Variants in PLA2G4D observed in about 807,000 individuals in gnomAD.
PLA2G4D encodes the protein cytosolic phospholipase A2 delta.
Under a neutral mutation model 94.4 loss-of-function variants are expected in PLA2G4D, and 80 were observed. The ratio of observed to expected loss-of-function variants is 0.85; its 90% CI spans 0.71 to 1.02. PLA2G4D has a LOEUF of 1.02. Among genes scored for constraint, PLA2G4D ranks in the 50% least tolerant of loss-of-function variants. PLA2G4D has a pLI of 0.00. For missense variants in PLA2G4D, 1,050 were observed against 1,034.7 expected (o/e 1.01, Z -0.20); for synonymous variants, 438 against 440.9 (o/e 0.99, Z 0.08).
intron 7 of PLA2G4D, 47 bp downstream of exon 7, chr15:42,083,669 C>A: frequency 6.2e-7 from 1 of 1,606,608 alleles, no homozygotes; most frequent in Non-Finnish European, 8.5e-7. Context: ...ATCCTCCTCA[C>A]CCCCACATCC....
At position 42,071,871 on chromosome 15, in the gene PLA2G4D, C is replaced by A. The variant is rs1422893825; in HGVS notation, c.1476G>T (p.Lys492Asn). 3 of 1,614,178 alleles carry A rather than the reference C, an allele frequency of 1.9e-6. No homozygotes were observed. The Admixed American group carries it at 5.0e-5, about 27-fold the overall frequency. ...EFSPYEVGFL[K>N]YGAFVPPELF... ...GCTCAGGAGGGACGAAGGCCCCGTA[C>A]TTCAGGAAACCGACCTCATAGGGGG... Residue 492 changes from lysine to asparagine, a missense_variant, in exon 15 of 20, where the codon AAG becomes AAT. Physicochemically the swap from Lys to Asn is moderately conservative, Grantham distance 94. Coordinates refer to ENST00000290472, the MANE Select transcript of PLA2G4D (RefSeq NM_178034.4).
At chr15:42,070,538 C>T in intron 18 of PLA2G4D, 179 bp downstream of exon 18, 1 of 763,278 alleles carries the variant, frequency 1.3e-6, no homozygotes. Flanking sequence ...CCCAAGGCCC[C>T]TGCACCACCC....
chr15:42,085,987 T>C (rs1890136670), intron 4 of PLA2G4D, among the ~76,000 whole-genome samples: 1 of 152,240 alleles, frequency 6.6e-6, no homozygotes, highest in East Asian at 1.9e-4. Context: ...AGGGGTGGCC[T>C]TCCTGCCACA....
intron 12 of PLA2G4D, among the ~76,000 whole-genome samples, chr15:42,080,384 A>G (rs912408203): frequency 1.3e-5 from 2 of 152,206 alleles, no homozygotes; most frequent in South Asian, 2.1e-4. Context: ...AATCTCTAAC[A>G]GCGGGATGCT....
chr15:42,086,818 C>T (rs1380447010), intron 3 of PLA2G4D, among the ~76,000 whole-genome samples: 2 of 152,232 alleles, frequency 1.3e-5, no homozygotes, highest in Non-Finnish European at 2.9e-5. Flanking sequence ...CGCCATTCAA[C>T]TCCAACCTGG....
rs149600835 is a variant in PLA2G4D, at chr15:42,093,448, G to C, written c.45+967C>G. Among the ~76,000 whole-genome samples the C allele has an allele frequency of 3.0e-3, 453 of 152,314 alleles. 5 individuals carry two copies. The highest frequency in any genetic ancestry group is 0.01 in the African/African-American group (436 of 41,564). The stretch of plus-strand genomic sequence containing the variant: ...CCACAATGGGCCGTTCTGGGCTCAG[G>C]GCTCCTGATGGGACGGGTGGTGGAG... On this transcript the variant is annotated intron_variant, in intron 1 of 19. Coordinates refer to ENST00000290472, the MANE Select transcript of PLA2G4D (RefSeq NM_178034.4).
In PLA2G4D at chr15:42,068,814, G is replaced by A; in HGVS notation, c.2358C>T (p.Asp786=). The change falls in exon 20 of 20, where the codon GAC becomes GAT. Residue 786 remains aspartate (D), a synonymous_variant. Coordinates refer to ENST00000290472, the MANE Select transcript of PLA2G4D (RefSeq NM_178034.4). ...CACCCTGGCTGGTCTGCACGTTGTA[G>A]TCACTGAGCCGCAGCAGGCGCTCGA... is the stretch of plus-strand genomic sequence containing the variant. ...EDFERLLRLS[D]YNVQTSQGAI... The A allele has an allele frequency of 6.2e-7, 1 of 1,613,878 alleles. No individual in the cohort carries two copies. Among genetic ancestry groups the A allele is most frequent in the East Asian group, 2.2e-5 (1 of 44,888 alleles).
chr15:42,073,243 C>T (rs979316165), intron 13 of PLA2G4D, among the ~76,000 whole-genome samples: 2 of 152,212 alleles, frequency 1.3e-5, no homozygotes, highest in Non-Finnish European at 2.9e-5. Context: ...AAGCAATCCA[C>T]CTGCCTTGGC....
At position 42,084,020 on chromosome 15, in the gene PLA2G4D, C is replaced by T. The variant is rs780641777; in HGVS notation, c.472-241G>A. On this transcript the variant is annotated intron_variant, in intron 6 of 19. Coordinates refer to ENST00000290472, the MANE Select transcript of PLA2G4D (RefSeq NM_178034.4). This position sits in a 1 kb window ranked among gnomAD's most constrained non-coding sequence, Gnocchi z 4.8. ...CACACCTCCCCTCCAGCTCCCCTGG[C>T]TTTGCCAAACTCCCGAAACCTCCTA... The T allele has an allele frequency of 1.9e-6, 1 of 529,230 alleles. No individual in the cohort carries two copies. The allele number at this position is 529,230 out of a possible 1,614,324, so 32.8% of individuals were successfully genotyped here.
chr15:42,072,338 G>T lies in PLA2G4D; in HGVS notation c.1372C>A (p.Pro458Thr), dbSNP rs938384920. ...QRAALERGQNPLPLYLSLNVK... is the reference protein window; with the variant it reads ...QRAALERGQNTLPLYLSLNVK... ...TTGAGGCTCAAGTAGAGGGGCAGAG[G>T]GTTCTGACCCCGTTCCAGGGCGGCT... is the stretch of plus-strand genomic sequence containing the variant. Residue 458 changes from proline (P) to threonine (T), a missense_variant, in exon 14 of 20, where the codon CCT (proline) becomes ACT (threonine). Transcript: ENST00000290472. 1.2e-6 allele frequency: 2 copies of T among 1,613,658 alleles called. No individual in the cohort carries two copies. Among genetic ancestry groups the T allele is most frequent in the Non-Finnish European group, 1.7e-6 (2 of 1,179,998 alleles).
chr15:42,071,939 G>A (rs1471299851), intron 14 of PLA2G4D, 28 bp from the exon 15 acceptor site: 3 of 1,610,732 alleles, frequency 1.9e-6, no homozygotes, highest in Non-Finnish European at 2.5e-6. Flanking sequence ...AGAGGCAGGA[G>A]TGTGAGGGGA....
At chr15:42,071,697 ACCTGAGCT>A in intron 15 of PLA2G4D, 69 bp downstream of exon 15, 1 of 929,706 alleles carries the variant, frequency 1.1e-6, no homozygotes, top group African/African-American at 2.6e-5. Context: ...GTTCTGCCCC[ACCTGAGCT>A]ACAGGACCCA....
chr15:42,069,857 G>A, intron 19 of PLA2G4D, 52 bp downstream of exon 19: 1 of 1,325,222 alleles, frequency 7.5e-7, no homozygotes, highest in Non-Finnish European at 9.8e-7. Flanking sequence ...GGGGCCCAGG[G>A]CAGGCCTCTG....
intron 1 of PLA2G4D, among the ~76,000 whole-genome samples, chr15:42,094,144 C>T (rs78171718): frequency 0.074 from 11,255 of 152,112 alleles, 544 homozygotes; most frequent in Middle Eastern, 0.14. Flanking sequence ...CTATGTTCTC[C>T]GATGATGGTG....
Position 42,069,981 on chromosome 15 carries a change from CG to C in PLA2G4D, c.2157del (p.Ala720ProfsTer52). ...AGCAGGATCGGGGCCTCGGGGCAGG[CG>C]GGGTCTGAGAAGAGGTGGCATTCCC... is the stretch of plus-strand genomic sequence containing the variant. ...QPRECHLFSD[P>X]ACPEAPILLH... On this transcript the variant is annotated frameshift_variant, in exon 19 of 20. Coordinates refer to ENST00000290472, the MANE Select transcript of PLA2G4D (RefSeq NM_178034.4). LOFTEE classifies it high-confidence loss of function. 1 of 1,481,532 alleles carries C rather than the reference CG, an allele frequency of 6.7e-7. No individual in the cohort carries two copies. The highest frequency in any genetic ancestry group is 8.9e-7 in the Non-Finnish European group (1 of 1,120,714). 91.8% of individuals were successfully genotyped at this position (1,481,532 alleles called of 1,614,324 possible).
intron 1 of PLA2G4D, among the ~76,000 whole-genome samples, chr15:42,092,573 T>A (rs1890263203): frequency 6.6e-6 from 1 of 152,176 alleles, no homozygotes; most frequent in South Asian, 2.1e-4. Flanking sequence ...GCTCCTCCCA[T>A]CTGAAATACC....
chr15:42,086,465 G>A (rs534856173), intron 3 of PLA2G4D, 121 bp from the exon 4 acceptor site: 115 of 901,322 alleles, frequency 1.3e-4, no homozygotes, highest in African/African-American at 7.6e-4. Context: ...ACACGTCTGC[G>A]CTTCAAAATA....
intron 19 of PLA2G4D, 64 bp downstream of exon 19, chr15:42,069,844 CG>C: frequency 4.7e-6 from 6 of 1,277,454 alleles, no homozygotes; most frequent in Non-Finnish European, 4.1e-6. Flanking sequence ...GCTGGGCAGC[CG>C]GGGGGCCCAG....
At chr15:42,091,983 C>T (rs1332193405) in intron 1 of PLA2G4D, among the ~76,000 whole-genome samples, 1 of 152,236 alleles carries the variant, frequency 6.6e-6, no homozygotes, top group Non-Finnish European at 1.5e-5. Flanking sequence ...CAATAAACAA[C>T]AGCACAGCCA....
Sources: gnomAD v4.1 joint callset for allele counts (sites outside exome capture counted in the v4.1 genomes callset) on GRCh38, gnomAD v4.1.1 for gene constraint, Gnocchi (gnomAD v3.1) non-coding constraint, MANE v1.5 for transcripts, NCBI Gene and HGNC (gene_info 2026-07-23, HGNC 2026-07-21) for gene names.